Variants in SMAP2 observed in about 807,000 individuals in gnomAD.
The protein encoded by SMAP2 is small ArfGAP2.
SMAP2 carries 25 observed loss-of-function variants against 56.4 expected under a neutral mutation model. That is an observed-to-expected ratio of 0.44 (90% CI 0.32 to 0.62). The LOEUF (loss-of-function observed/expected upper bound fraction) is 0.62. Ranked by LOEUF, SMAP2 falls within the 20% of genes least tolerant of loss-of-function variation. The pLI, the probability that SMAP2 is intolerant of heterozygous loss-of-function variation, is 0.04. For synonymous variants in SMAP2, 157 were observed against 181.7 expected (o/e 0.86, Z 1.09); for missense variants, 388 against 545.6 (o/e 0.71, Z 2.88).
At position 40,385,442 on chromosome 1, in the gene SMAP2, A is replaced by C. The variant is rs1446358171; in HGVS notation, c.103+11219A>C. On this transcript the variant is annotated intron_variant, in intron 1 of 9. Coordinates refer to ENST00000372718, the MANE Select transcript of SMAP2 (RefSeq NM_022733.3). This position sits in a 1 kb window ranked among gnomAD's most constrained non-coding sequence, Gnocchi z 4.5. ...TTTTTAAAAAAAACATTTCAGGTCA[A>C]AGCTTCCAAAAAGAAATTTCTTAAT... Among the ~76,000 whole-genome samples, 2 of 152,174 alleles carry C rather than the reference A, an allele frequency of 1.3e-5. No individual in the cohort carries two copies. The highest frequency in any genetic ancestry group is 1.5e-5 in the Non-Finnish European group (1 of 68,026).
At chr1:40,376,041 C>T (rs1282465551) in intron 1 of SMAP2, among the ~76,000 whole-genome samples, 2 of 152,116 alleles carry the variant, frequency 1.3e-5, no homozygotes, top group Non-Finnish European at 2.9e-5. Flanking sequence ...ACCTCTGCCT[C>T]CCGGGTTCAA....
chr1:40,406,211 A>G (rs1644884757), intron 1 of SMAP2, among the ~76,000 whole-genome samples: 1 of 152,214 alleles, frequency 6.6e-6, no homozygotes, highest in Non-Finnish European at 1.5e-5. Context: ...CAAATAGAAT[A>G]TGACATGGCT....
chr1:40,372,036 G>T (rs185248029), upstream of SMAP2, among the ~76,000 whole-genome samples: 28 of 152,310 alleles, frequency 1.8e-4, no homozygotes, highest in African/African-American at 6.7e-4. Context: ...CTCTCACTAG[G>T]TGGGAACAAT....
chr1:40,414,611 G>T (rs77391641), intron 6 of SMAP2, among the ~76,000 whole-genome samples: 5 of 152,260 alleles, frequency 3.3e-5, no homozygotes, highest in Admixed American at 3.3e-4. Flanking sequence ...ATGAGATAAT[G>T]CCTCTAAAGC....
At chr1:40,391,660 T>C (rs1644718365) in intron 1 of SMAP2, among the ~76,000 whole-genome samples, 1 of 152,132 alleles carries the variant, frequency 6.6e-6, no homozygotes, top group South Asian at 2.1e-4. Flanking sequence ...GAGGAATCTA[T>C]CCTAGGGATG....
rs575833904 is a variant in SMAP2, at chr1:40,374,604, T to C, written c.103+381T>C. ...GCGTGCGTGCGTGCGTGCGTGTGTG[T>C]GTGTGTGTGTGTGTGTGTGTGAGAG... On this transcript the variant is annotated intron_variant, in intron 1 of 9. Coordinates refer to ENST00000372718, the MANE Select transcript of SMAP2 (RefSeq NM_022733.3). This position sits in a 1 kb window ranked among gnomAD's most constrained non-coding sequence, Gnocchi z 5.9. The C allele has an allele frequency of 3.4e-3, 4,061 of 1,195,382 alleles. 5 individuals are homozygous for C. The highest frequency in any genetic ancestry group is 0.022 in the East Asian group (659 of 30,542). 74.0% of individuals were successfully genotyped at this position (1,195,382 alleles called of 1,614,324 possible).
intron 2 of SMAP2, among the ~76,000 whole-genome samples, chr1:40,407,257 G>A (rs1303337795): frequency 1.3e-5 from 2 of 152,076 alleles, no homozygotes; most frequent in Admixed American, 1.3e-4. Context: ...GGCCGAGGTG[G>A]GTGGATCTCT....
At chr1:40,360,985 G>A (rs1644457515) in intron 1 of SMAP2, among the ~76,000 whole-genome samples, 1 of 152,224 alleles carries the variant, frequency 6.6e-6, no homozygotes, top group South Asian at 2.1e-4. Context: ...GTGGACATGG[G>A]GGGCACATGA....
chr1:40,413,180 G>C, intron 5 of SMAP2, 78 bp downstream of exon 5: 1 of 1,074,578 alleles, frequency 9.3e-7, no homozygotes, highest in Non-Finnish European at 1.4e-6. Flanking sequence ...AGGAGGTCTC[G>C]TGGTGAGTAC....
chr1:40,388,035 G>A (rs1569862418), intron 1 of SMAP2, among the ~76,000 whole-genome samples: 1 of 152,314 alleles, frequency 6.6e-6, no homozygotes, highest in Admixed American at 6.5e-5. Flanking sequence ...CCCCAGCAGT[G>A]CCGGCCCACC....
At chr1:40,353,378 A>AT (rs1644418211) in intron 1 of SMAP2, among the ~76,000 whole-genome samples, 1 of 151,918 alleles carries the variant, frequency 6.6e-6, no homozygotes, top group African/African-American at 2.4e-5. Context: ...GGGCTTCTTT[A>AT]TTTTTTTGAG....
chr1:40,401,609 G>C (rs1644835141), intron 1 of SMAP2, among the ~76,000 whole-genome samples: 1 of 152,174 alleles, frequency 6.6e-6, no homozygotes, highest in Admixed American at 6.5e-5. Flanking sequence ...TGTCTGCTGA[G>C]TTGTCAATCC....
intron 9 of SMAP2, 82 bp from the exon 10 acceptor site, chr1:40,421,894 G>A: frequency 6.5e-7 from 1 of 1,532,592 alleles, no homozygotes. Flanking sequence ...TCCTGGCAGA[G>A]AAAGGGACTC....
chr1:40,352,865 C>T (rs905191118), intron 1 of SMAP2, among the ~76,000 whole-genome samples: 13 of 152,284 alleles, frequency 8.5e-5, no homozygotes, highest in Admixed American at 7.9e-4. Flanking sequence ...ATTATTTTAG[C>T]ATGATGTGTA....
Position 40,386,852 on chromosome 1 carries a change from T to TC in SMAP2, c.103+12630dup, listed in dbSNP as rs1426419333. On this transcript the variant is annotated intron_variant, in intron 1 of 9. Transcript: ENST00000372718. The surrounding 1 kb of genome is among the most constrained non-coding windows in gnomAD (Gnocchi z 4.1). The stretch of plus-strand genomic sequence containing the variant: ...TGATGCTGAAGGTATTTTTCATAAT[T>TC]CTTTTTTTTTTTTTTTTTTGGAGAC... Among the ~76,000 whole-genome samples the TC allele has an allele frequency of 1.4e-5, 2 of 141,134 alleles. No individual in the cohort carries two copies. Among genetic ancestry groups the TC allele is most frequent in the Non-Finnish European group, 3.0e-5 (2 of 65,918 alleles). The allele number at this position is 141,134 out of a possible 152,430, so 92.6% of individuals were successfully genotyped here. A position where few individuals can be genotyped will look rare whatever the true frequency, so the allele number is the denominator to read the frequency against.
chr1:40,415,355 T>C lies in SMAP2; in HGVS notation c.655T>C (p.Ser219Pro). ...TTTAGATCTGTTGGCCTCTGTTCCA[T>C]CCCCTTCTTCTTCCGGTTCCAGAAA... Reference protein sequence around the residue: ...KDLDLLASVPSPSSSGSRKVV... With the variant: ...KDLDLLASVPPPSSSGSRKVV... The change falls in exon 7 of 10, where the codon TCC (serine) becomes CCC (proline). Residue 219 changes from serine to proline, a missense_variant. Ser to Pro is a moderately conservative substitution (Grantham distance 74). Transcript: ENST00000372718. 1 of 1,613,266 alleles carries C rather than the reference T, an allele frequency of 6.2e-7. No individual in the cohort carries two copies. The highest frequency in any genetic ancestry group is 8.5e-7 in the Non-Finnish European group (1 of 1,179,244).
At chr1:40,360,518 G>C (rs892957756) in intron 1 of SMAP2, among the ~76,000 whole-genome samples, 1 of 150,542 alleles carries the variant, frequency 6.6e-6, no homozygotes, top group African/African-American at 2.4e-5. Context: ...GGCCAGGCTG[G>C]TCTCAAACTT....
intron 1 of SMAP2, among the ~76,000 whole-genome samples, chr1:40,395,546 CA>C (rs1644762587): frequency 1.1e-5 from 1 of 87,424 alleles, no homozygotes; most frequent in Non-Finnish European, 2.4e-5. Context: ...AATAATAAAA[CA>C]GGGCAGTAAG....
chr1:40,387,072 C>T (rs1474691042), intron 1 of SMAP2, among the ~76,000 whole-genome samples: 1 of 152,072 alleles, frequency 6.6e-6, no homozygotes, highest in Non-Finnish European at 1.5e-5. Context: ...AGGCTAGTCT[C>T]GAACTCCTGA....
Sources: gnomAD v4.1 joint callset for allele counts (sites outside exome capture counted in the v4.1 genomes callset) on GRCh38, gnomAD v4.1.1 for gene constraint, Gnocchi (gnomAD v3.1) non-coding constraint, MANE v1.5 for transcripts, NCBI Gene and HGNC (gene_info 2026-07-23, HGNC 2026-07-21) for gene names.